The following ROBO2 variants were observed in gnomAD, a reference collection of about 807,000 sequenced individuals.
The protein encoded by ROBO2 is roundabout guidance receptor 2.
A neutral mutation model predicts 160.8 loss-of-function variants in ROBO2; 53 were observed. That is an observed-to-expected ratio of 0.33 (90% CI 0.26 to 0.41). ROBO2 has a LOEUF of 0.41. Ranked by LOEUF, ROBO2 falls within the 10% of genes least tolerant of loss-of-function variation. The pLI is 1.00. For missense variants in ROBO2, 1,577 were observed against 1,722.4 expected (o/e 0.92, Z 1.49); for synonymous variants, 664 against 611.7 (o/e 1.09, Z -1.26).
intron 2 of ROBO2, among the ~76,000 whole-genome samples, chr3:77,209,843 CA>C (rs1171844477): frequency 6.6e-6 from 1 of 152,110 alleles, no homozygotes; most frequent in Non-Finnish European, 1.5e-5. Context: ...ATTCTTCACT[CA>C]GAAATACTTA....
At chr3:76,413,892 C>CATTTT (rs2075621026) in intron 2 of ROBO2, among the ~76,000 whole-genome samples, 1 of 151,820 alleles carries the variant, frequency 6.6e-6, no homozygotes, top group African/African-American at 2.4e-5. Flanking sequence ...CTGTATTACT[C>CATTTT]CATTTTCATG....
intron 2 of ROBO2, among the ~76,000 whole-genome samples, chr3:76,096,291 G>A (rs1320005686): frequency 6.6e-6 from 1 of 151,974 alleles, no homozygotes; most frequent in Non-Finnish European, 1.5e-5. Context: ...TAATAAACTA[G>A]CCAGCATCAT....
Position 76,018,551 on chromosome 3 carries a change from T to A in ROBO2, c.109+80949T>A, listed in dbSNP as rs1392496201. ...TGAATTTATCTGTTTTCAGACTTTA[T>A]TGCTTTTTTGTATGTTTTAAATATG... On this transcript the variant is annotated intron_variant, in intron 2 of 26. Coordinates refer to the ROBO2 transcript ENST00000487694. 4.6e-5 allele frequency among the ~76,000 whole-genome samples: 7 copies of A among 152,036 alleles called. No homozygotes were observed. In the East Asian group the frequency reaches 1.2e-3, roughly 25 times the overall value.
At chr3:77,363,909 G>A (rs1245749756) in intron 2 of ROBO2, among the ~76,000 whole-genome samples, 13 of 152,082 alleles carry the variant, frequency 8.5e-5, no homozygotes, top group Non-Finnish European at 1.0e-4. Flanking sequence ...ACAGGGGGCT[G>A]GGAGAAGGGC....
At chr3:76,243,026 C>A (rs1167775137) in intron 2 of ROBO2, among the ~76,000 whole-genome samples, 2 of 152,166 alleles carry the variant, frequency 1.3e-5, no homozygotes, top group African/African-American at 4.8e-5. Flanking sequence ...CCTTTACTGG[C>A]TCTTTAAATC....
chr3:76,501,027 T>A (rs1577680578), intron 2 of ROBO2, among the ~76,000 whole-genome samples: 2 of 152,156 alleles, frequency 1.3e-5, no homozygotes, highest in Non-Finnish European at 2.9e-5. Context: ...ATAAATCTCA[T>A]AACTTATCCT....
chr3:77,319,745 G>T (rs2064470398), intron 2 of ROBO2, among the ~76,000 whole-genome samples: 1 of 152,104 alleles, frequency 6.6e-6, no homozygotes, highest in South Asian at 2.1e-4. Flanking sequence ...CATAATGTCT[G>T]CATTCTCCAG....
At chr3:76,475,204 A>G (rs887246147) in intron 2 of ROBO2, among the ~76,000 whole-genome samples, 2 of 152,148 alleles carry the variant, frequency 1.3e-5, no homozygotes, top group African/African-American at 4.8e-5. Flanking sequence ...ACGGGAAAAA[A>G]TAAAATAGAG....
At chr3:76,022,525 C>T (rs1031731571) in intron 2 of ROBO2, among the ~76,000 whole-genome samples, 9 of 151,716 alleles carry the variant, frequency 5.9e-5, no homozygotes, top group Admixed American at 6.6e-5. Flanking sequence ...GTTGTGTTAA[C>T]GAGCATAAAC....
At chr3:77,461,718 A>C (rs975747443) in intron 2 of ROBO2, among the ~76,000 whole-genome samples, 2 of 148,656 alleles carry the variant, frequency 1.3e-5, no homozygotes, top group African/African-American at 4.9e-5. Context: ...AATCATTTAT[A>C]ATTTTCTTGA....
intron 2 of ROBO2, among the ~76,000 whole-genome samples, chr3:76,185,898 C>A (rs1489861741): frequency 6.7e-6 from 1 of 150,356 alleles, no homozygotes; most frequent in South Asian, 2.1e-4. Context: ...TTTGACTTTC[C>A]AAAGGAATAG....
intron 2 of ROBO2, among the ~76,000 whole-genome samples, chr3:77,344,495 T>C (rs1467923225): frequency 6.6e-6 from 1 of 152,116 alleles, no homozygotes; most frequent in Non-Finnish European, 1.5e-5. Flanking sequence ...GAAAGCTCTC[T>C]AGTCCCTTCT....
chr3:76,211,940 A>G (rs1045734211), intron 2 of ROBO2, among the ~76,000 whole-genome samples: 6 of 152,070 alleles, frequency 3.9e-5, no homozygotes, highest in Admixed American at 1.3e-4. Context: ...ATATGAAACA[A>G]GTGACTACAA....
intron 2 of ROBO2, among the ~76,000 whole-genome samples, chr3:76,616,000 C>T (rs1255184230): frequency 1.3e-5 from 2 of 152,132 alleles, no homozygotes; most frequent in African/African-American, 2.4e-5. Context: ...TTAAGCATTG[C>T]AATTTGAAGT....
chr3:76,031,704 G>A (rs2066926516), intron 2 of ROBO2, among the ~76,000 whole-genome samples: 1 of 152,028 alleles, frequency 6.6e-6, no homozygotes, highest in Non-Finnish European at 1.5e-5. Flanking sequence ...TGCATCCCAG[G>A]GATGAAGCCA....
rs145947605 is a variant in ROBO2 at position 76,052,771 on chromosome 3, T to A, written c.109+115169T>A. Among the ~76,000 whole-genome samples the A allele has an allele frequency of 9.9e-5, 15 of 152,134 alleles. 1 individual carries two copies. Among genetic ancestry groups the A allele is most frequent in the African/African-American group, 3.6e-4 (15 of 41,568 alleles). On this transcript the variant is annotated intron_variant, in intron 2 of 26. Coordinates refer to the ROBO2 transcript ENST00000487694. ...CTAACATTCATATCTTCAAATCTGA[T>A]GTGATAAACTGAACAATCTCTTTGT...
chr3:77,542,270 A>C (rs978870291), intron 6 of ROBO2, among the ~76,000 whole-genome samples: 1 of 147,426 alleles, frequency 6.8e-6, no homozygotes, highest in African/African-American at 2.5e-5. Flanking sequence ...AAAGTGATTG[A>C]TGCAATTTGT....
At chr3:76,972,912 C>G (rs897882144) in intron 2 of ROBO2, among the ~76,000 whole-genome samples, 2 of 152,126 alleles carry the variant, frequency 1.3e-5, no homozygotes, top group Non-Finnish European at 2.9e-5. Flanking sequence ...GGATGAATCA[C>G]TTAGAAAATA....
At chr3:76,524,086 A>G (rs1167642626) in intron 2 of ROBO2, among the ~76,000 whole-genome samples, 1 of 151,984 alleles carries the variant, frequency 6.6e-6, no homozygotes, top group Non-Finnish European at 1.5e-5. Flanking sequence ...AGTCTTAATA[A>G]TACTATTTTA....
Sources: allele counts gnomAD v4.1 joint callset (sites outside exome capture counted in the v4.1 genomes callset), GRCh38; gene constraint gnomAD v4.1.1; transcripts MANE v1.5; gene names NCBI Gene and HGNC (gene_info 2026-07-23, HGNC 2026-07-21).